The following KIAA1328 variants were observed in gnomAD, a reference collection of about 807,000 sequenced individuals.
The protein encoded by KIAA1328 is protein hinderin.
In KIAA1328, 52 loss-of-function variants were observed where a neutral mutation model predicts 68.1. The observed-to-expected ratio is 0.76, with a 90% confidence interval of 0.61 to 0.96. The LOEUF (loss-of-function observed/expected upper bound fraction) is 0.96. KIAA1328 is among the 40% of genes least tolerant of loss of function. The pLI, the probability that KIAA1328 is intolerant of heterozygous loss-of-function variation, is 0.00. For missense variants in KIAA1328, 641 were observed against 677.6 expected, an observed-to-expected ratio of 0.95 and a Z score of 0.60; for synonymous variants, 232 against 239.4, an observed-to-expected ratio of 0.97 and a Z score of 0.28.
intron 6 of KIAA1328, among the ~76,000 whole-genome samples, chr18:37,041,384 T>C (rs1204387078): frequency 1.3e-5 from 2 of 152,150 alleles, no homozygotes; most frequent in African/African-American, 4.8e-5. Flanking sequence ...ACTATTTGAA[T>C]GATGTATCTT....
intron 6 of KIAA1328, among the ~76,000 whole-genome samples, chr18:36,984,046 C>T (rs1465521969): frequency 6.6e-6 from 1 of 152,024 alleles, no homozygotes; most frequent in Non-Finnish European, 1.5e-5. Flanking sequence ...TAGATGAAGT[C>T]TAACATATAT....
chr18:37,100,826 C>T (rs1288866907), intron 7 of KIAA1328, among the ~76,000 whole-genome samples: 2 of 152,152 alleles, frequency 1.3e-5, no homozygotes, highest in Non-Finnish European at 2.9e-5. Flanking sequence ...ACAAAACTTC[C>T]AGAGGAACGA....
At chr18:36,926,337 T>G (rs909125663) in intron 5 of KIAA1328, among the ~76,000 whole-genome samples, 1 of 152,024 alleles carries the variant, frequency 6.6e-6, no homozygotes, top group African/African-American at 2.4e-5. Context: ...AGAGGAAAAC[T>G]GGTTTCACTC....
At chr18:36,914,148 T>C (rs1405447500) in intron 5 of KIAA1328, among the ~76,000 whole-genome samples, 4 of 152,202 alleles carry the variant, frequency 2.6e-5, no homozygotes, top group Admixed American at 6.5e-5. Flanking sequence ...AGTTTTTCAT[T>C]TTCCTACCAT....
chr18:37,084,156 G>A (rs563349450), intron 7 of KIAA1328: 120 of 1,516,928 alleles, frequency 7.9e-5, no homozygotes, highest in Non-Finnish European at 1.0e-4. Context: ...TAAGTCGAGA[G>A]AACTGGTTGC....
intron 5 of KIAA1328, chr18:36,921,353 G>C (rs2049914779): frequency 6.6e-6 from 1 of 151,854 alleles, no homozygotes; most frequent in Admixed American, 6.6e-5. Context: ...AGATGAATTA[G>C]AGAAGAAAAA....
chr18:37,019,438 A>G (rs145207660), intron 6 of KIAA1328, among the ~76,000 whole-genome samples: 85 of 152,290 alleles, frequency 5.6e-4, no homozygotes, highest in African/African-American at 1.9e-3. Context: ...TCCCTGATCA[A>G]CCTCACGGTG....
chr18:37,145,719 T>C (rs890639733), intron 7 of KIAA1328, among the ~76,000 whole-genome samples: 3 of 152,326 alleles, frequency 2.0e-5, no homozygotes, highest in Middle Eastern at 3.4e-3. Flanking sequence ...TCTTTATCTC[T>C]GGTAACACTC....
chr18:37,001,252 T>C (rs2053576110), intron 6 of KIAA1328, among the ~76,000 whole-genome samples: 1 of 151,906 alleles, frequency 6.6e-6, no homozygotes, highest in South Asian at 2.1e-4. Context: ...AACTATATGC[T>C]GAAAAACTGG....
At chr18:36,998,416 C>T (rs1598930923) in intron 6 of KIAA1328, among the ~76,000 whole-genome samples, 1 of 152,326 alleles carries the variant, frequency 6.6e-6, no homozygotes, top group East Asian at 1.9e-4. Flanking sequence ...GCCTACCTGT[C>T]CAGTACACCA....
chr18:37,119,012 G>A (rs1462615290), intron 7 of KIAA1328, among the ~76,000 whole-genome samples: 14 of 152,192 alleles, frequency 9.2e-5, no homozygotes, highest in Admixed American at 9.2e-4. Context: ...GATATGCTAA[G>A]ATCAGAAGAT....
Position 37,099,323 on chromosome 18 carries a change from T to C in KIAA1328, c.1232+31778T>C, listed in dbSNP as rs902365188. ...GAACATCTTTATTTCTGCCTTCATT[T>C]TGTTGTGTACCCAGTAGTCATTCAG... is the stretch of plus-strand genomic sequence containing the variant. On this transcript the variant is annotated intron_variant, in intron 7 of 9. Transcript: ENST00000280020. Among the ~76,000 whole-genome samples, 10 of 152,258 alleles carry C rather than the reference T, an allele frequency of 6.6e-5. No homozygotes were observed. In the South Asian group the frequency reaches 1.7e-3, roughly 25 times the overall value.
chr18:36,854,094 A>G (rs971583216), intron 4 of KIAA1328, among the ~76,000 whole-genome samples: 1 of 152,210 alleles, frequency 6.6e-6, no homozygotes, highest in Non-Finnish European at 1.5e-5. Context: ...GTGAGATCAT[A>G]TGGGTGAGCC....
chr18:36,988,871 A>G (rs796921682), intron 6 of KIAA1328, among the ~76,000 whole-genome samples: 7 of 152,328 alleles, frequency 4.6e-5, no homozygotes, highest in African/African-American at 1.7e-4. Context: ...GCTAAGTCTC[A>G]ATTTCCTCAT....
At chr18:37,033,786 T>C (rs2054923436) in intron 6 of KIAA1328, among the ~76,000 whole-genome samples, 2 of 152,236 alleles carry the variant, frequency 1.3e-5, no homozygotes, top group Non-Finnish European at 1.5e-5. Context: ...GCAGCAAGAC[T>C]TCTATGCTGT....
At chr18:37,189,497 A>G (rs549322971) in intron 9 of KIAA1328, among the ~76,000 whole-genome samples, 61 of 152,360 alleles carry the variant, frequency 4.0e-4, no homozygotes, top group African/African-American at 1.3e-3. Context: ...ACCATAAGCT[A>G]TTTAACATTA....
At chr18:37,020,586 C>A (rs577049486) in intron 6 of KIAA1328, among the ~76,000 whole-genome samples, 1 of 152,122 alleles carries the variant, frequency 6.6e-6, no homozygotes, top group Non-Finnish European at 1.5e-5. Flanking sequence ...GAGAACTGTA[C>A]CAGCTTCCTT....
chr18:37,025,791 C>T (rs557590908), intron 6 of KIAA1328, among the ~76,000 whole-genome samples: 1,707 of 152,162 alleles, frequency 0.011, 24 homozygotes, highest in African/African-American at 0.038. Flanking sequence ...AAAATTGACA[C>T]CCTAACATCG....
intron 9 of KIAA1328, among the ~76,000 whole-genome samples, chr18:37,218,093 T>C (rs2060482792): frequency 6.6e-6 from 1 of 152,132 alleles, no homozygotes; most frequent in Admixed American, 6.6e-5. Flanking sequence ...TCTACAGAAG[T>C]AAAAACATGC....
Sources: allele counts gnomAD v4.1 joint callset (sites outside exome capture counted in the v4.1 genomes callset), GRCh38; gene constraint gnomAD v4.1.1; transcripts MANE v1.5; gene names NCBI Gene and HGNC (gene_info 2026-07-23, HGNC 2026-07-21).